EIF4B: variants seen among roughly 807,000 people sequenced by gnomAD.
EIF4B encodes the protein eukaryotic translation initiation factor 4B.
A neutral mutation model predicts 79.3 loss-of-function variants in EIF4B; 8 were observed. That is an observed-to-expected ratio of 0.10 (90% CI 0.06 to 0.18). EIF4B has a LOEUF of 0.18. Among genes scored for constraint, EIF4B ranks in the 10% least tolerant of loss-of-function variants. EIF4B has a pLI of 1.00. For synonymous variants in EIF4B, 238 were observed against 274.7 expected (o/e 0.87, Z 1.32); for missense variants, 515 against 792.4 (o/e 0.65, Z 4.20).
intron 8 of EIF4B, among the ~76,000 whole-genome samples, chr12:53,032,539 T>C (rs1418984375): frequency 6.6e-6 from 1 of 152,226 alleles, no homozygotes; most frequent in Middle Eastern, 3.2e-3. Flanking sequence ...GTCAAAAATT[T>C]CTTCCCATAT....
At chr12:53,037,771 A>G in intron 11 of EIF4B, 149 bp downstream of exon 11, 1 of 840,552 alleles carries the variant, frequency 1.2e-6, no homozygotes, top group East Asian at 2.7e-5. Context: ...GAACTGGCTC[A>G]TAAGACCTAG....
intron 10 of EIF4B, among the ~76,000 whole-genome samples, chr12:53,036,117 A>T (rs926762190): frequency 2.1e-4 from 30 of 145,648 alleles, no homozygotes; most frequent in African/African-American, 7.1e-4. Flanking sequence ...TTTGTATTTT[A>T]TTTATTTATT....
Position 53,012,588 on chromosome 12 carries a change from T to C in EIF4B, c.14-3885T>C, listed in dbSNP as rs369917986. On this transcript the variant is annotated intron_variant, in intron 1 of 14. Transcript: ENST00000262056. ...AAGACTTATCCAACAGTAATTTCTT[T>C]TTTTTTTCCTTTTTTTTTTTTTCTT... Among the ~76,000 whole-genome samples, 855 of 151,558 alleles carry C rather than the reference T, an allele frequency of 5.6e-3. 10 individuals carry two copies. Among genetic ancestry groups the C allele is most frequent in the African/African-American group, 0.02 (818 of 41,206 alleles).
At position 53,040,226 on chromosome 12, in the gene EIF4B, C is replaced by G. The variant is rs774279556; in HGVS notation, c.*3C>G. ...AGGGAGAAGATTATGCCGAATAGACCTCTACATCCTGTGCTTTTCTCCTAG... is the reference window on the plus strand; with the variant it reads ...AGGGAGAAGATTATGCCGAATAGACGTCTACATCCTGTGCTTTTCTCCTAG... On this transcript the variant is annotated 3_prime_UTR_variant, in exon 15 of 15. Coordinates refer to ENST00000262056, the MANE Select transcript of EIF4B (RefSeq NM_001417.7). 6 of 1,611,132 alleles carry G rather than the reference C, an allele frequency of 3.7e-6. No individual in the cohort carries two copies. Among genetic ancestry groups the G allele is most frequent in the South Asian group, 3.3e-5 (3 of 90,982 alleles).
At chr12:53,027,136 A>AGTTTTTTTTTTTTTTTTT (rs777111413) in intron 6 of EIF4B, among the ~76,000 whole-genome samples, 1 of 29,444 alleles carries the variant, frequency 3.4e-5, no homozygotes, top group African/African-American at 5.9e-5. Context: ...AAAAAAAAAA[A>AGTTTTTTTTTTTTTTTTT]ATTTTTTTTT....
chr12:53,017,113 C>T (rs761756836), intron 2 of EIF4B, among the ~76,000 whole-genome samples: 2 of 151,954 alleles, frequency 1.3e-5, no homozygotes, highest in African/African-American at 2.4e-5. Context: ...ATTAGCTGGG[C>T]GTGGTGGCAT....
rs1943587657 is a variant in EIF4B, at chr12:53,039,127, G to T, written c.1577-111G>T. On this transcript the variant is annotated intron_variant, in intron 12 of 14. Transcript: ENST00000262056. Reference sequence around the variant, plus strand: ...GGAAGTCTGGGTTGGGGTGAGGTTAGTTTCCCTCAGTACATGTGGGCACAA... The same window carrying T: ...GGAAGTCTGGGTTGGGGTGAGGTTATTTTCCCTCAGTACATGTGGGCACAA... The T allele has an allele frequency of 4.1e-6, 3 of 726,240 alleles. No homozygotes were observed. In the South Asian group the frequency reaches 5.6e-5, roughly 14 times the overall value. The allele number at this position is 726,240 out of a possible 1,614,324, so 45.0% of individuals were successfully genotyped here. A position where few individuals can be genotyped will look rare whatever the true frequency, so the allele number is the denominator to read the frequency against.
intron 10 of EIF4B, among the ~76,000 whole-genome samples, chr12:53,035,371 A>ATTT (rs1252439545): frequency 7.0e-6 from 1 of 141,914 alleles, no homozygotes; most frequent in African/African-American, 2.6e-5. Flanking sequence ...TTATTTATTT[A>ATTT]TTTTCTTTTT....
intron 8 of EIF4B, among the ~76,000 whole-genome samples, chr12:53,031,185 C>T (rs199530026): frequency 1.4e-5 from 2 of 139,920 alleles, no homozygotes; most frequent in African/African-American, 2.5e-5. Flanking sequence ...ACCTTATTCT[C>T]CTGTTTAGAC....
chr12:53,024,278 A>G (rs1390183968), intron 6 of EIF4B, among the ~76,000 whole-genome samples: 11 of 152,186 alleles, frequency 7.2e-5, no homozygotes, highest in Non-Finnish European at 1.6e-4. Flanking sequence ...AAAAATAAAT[A>G]AATAGTGGTT....
intron 1 of EIF4B, chr12:53,013,974 AGT>A: frequency 6.6e-6 from 1 of 152,150 alleles, no homozygotes; most frequent in East Asian, 1.9e-4. Context: ...CAATCTGGGC[AGT>A]GTAGCAAGAC....
At chr12:53,039,743 A>T in intron 14 of EIF4B, 41 bp downstream of exon 14, 1 of 1,577,718 alleles carries the variant, frequency 6.3e-7, no homozygotes, top group Non-Finnish European at 8.6e-7. Context: ...ATTCTAAGAA[A>T]AATTCTTAGA....
chr12:53,019,352 T>C (rs1265087712), intron 3 of EIF4B, among the ~76,000 whole-genome samples: 1 of 151,204 alleles, frequency 6.6e-6, no homozygotes, highest in Non-Finnish European at 1.5e-5. Flanking sequence ...TGAGCCGAGA[T>C]TGCGCCATTG....
intron 12 of EIF4B, chr12:53,038,715 GCTGAGGCA>G (rs1000781558): frequency 1.2e-5 from 2 of 169,732 alleles, no homozygotes; most frequent in African/African-American, 4.8e-5. Flanking sequence ...CTCGGGAGAC[GCTGAGGCA>G]GGAGAATTGC....
chr12:53,028,002 G>A lies in EIF4B; in HGVS notation c.806-13G>A. 2 of 1,607,878 alleles carry A rather than the reference G, an allele frequency of 1.2e-6. No homozygotes were observed. The highest frequency in any genetic ancestry group is 1.7e-6 in the Non-Finnish European group (2 of 1,175,692). ...CTCCGCTGTGATGATTATAATTTGGGATATATTTACAGGCTATGATTCCCG... is the reference window on the plus strand; with the variant it reads ...CTCCGCTGTGATGATTATAATTTGGAATATATTTACAGGCTATGATTCCCG... On this transcript the variant is annotated splice_polypyrimidine_tract_variant and intron_variant, in intron 7 of 14. Transcript: ENST00000262056.
Position 53,016,621 on chromosome 12 carries a change from T to A in EIF4B, c.151+11T>A, listed in dbSNP as rs1943152956. Reference sequence around the variant, plus strand: ...ACCTGGAAGGAGATGGTAACTTTTCTTTTGTCATCGTGTTTGGAATGTTTA... The same window carrying A: ...ACCTGGAAGGAGATGGTAACTTTTCATTTGTCATCGTGTTTGGAATGTTTA... On this transcript the variant is annotated intron_variant, in intron 2 of 14. Transcript: ENST00000262056. 1 of 1,566,570 alleles carries A rather than the reference T, an allele frequency of 6.4e-7. No homozygotes were observed. The highest frequency in any genetic ancestry group is 1.4e-5 in the African/African-American group (1 of 72,580).
At chr12:53,034,905 C>T (rs146845529) in intron 10 of EIF4B, among the ~76,000 whole-genome samples, 196 bp downstream of exon 10, 3 of 149,724 alleles carry the variant, frequency 2.0e-5, no homozygotes, top group African/African-American at 7.4e-5. Context: ...AGATGATCTG[C>T]TTAATAATCT....
At chr12:53,034,094 C>CGA in intron 9 of EIF4B, 60 bp downstream of exon 9, 2 of 1,489,530 alleles carry the variant, frequency 1.3e-6, no homozygotes, top group Non-Finnish European at 1.8e-6. Flanking sequence ...GGGGGCATTA[C>CGA]ATCCCCAGGG....
rs747460450 is a variant in EIF4B, at chr12:53,027,828, G to A, written c.714G>A (p.Arg238=). ...CAGACCGGTATCGGGATGGGTATCG[G>A]GATGGGTATCGGGATGGCCCACGCC... ...YDSDRYRDGY[R]DGYRDGPRRD... is the part of the protein sequence containing the mutation. The change falls in exon 7 of 15, where the codon CGG becomes CGA. Residue 238 remains arginine, a synonymous_variant. Coordinates refer to ENST00000262056, the MANE Select transcript of EIF4B (RefSeq NM_001417.7). The A allele has an allele frequency of 1.2e-6, 2 of 1,612,210 alleles. No homozygotes were observed. The highest frequency in any genetic ancestry group is 1.7e-5 in the Admixed American group (1 of 59,984).
Sources: allele counts gnomAD v4.1 joint callset (sites outside exome capture counted in the v4.1 genomes callset), GRCh38; gene constraint gnomAD v4.1.1; transcripts MANE v1.5; gene names NCBI Gene and HGNC (gene_info 2026-07-23, HGNC 2026-07-21).